SAMSN1: variants seen among roughly 807,000 people sequenced by gnomAD.
SAMSN1 encodes SAM domain, SH3 domain and nuclear localization signals 1, also known as SAM domain-containing protein SAMSN-1.
A neutral mutation model predicts 42.0 loss-of-function variants in SAMSN1; 31 were observed. The observed-to-expected ratio is 0.74, with a 90% confidence interval of 0.55 to 1.00. The LOEUF is 1.00. SAMSN1 is among the 50% of genes least tolerant of loss of function. The pLI is 0.00. For missense variants in SAMSN1, 464 were observed against 439.4 expected, an observed-to-expected ratio of 1.06 and a Z score of -0.50; for synonymous variants, 178 against 151.9, an observed-to-expected ratio of 1.17 and a Z score of -1.26.
chr21:14,573,612 T>C (rs1981372686), intron 2 of SAMSN1, among the ~76,000 whole-genome samples: 1 of 152,208 alleles, frequency 6.6e-6, no homozygotes, highest in Non-Finnish European at 1.5e-5. Context: ...CCAACAGGCA[T>C]CATCTGAAGA....
At chr21:14,489,902 CATTT>C (rs1488984467) in intron 7 of SAMSN1, among the ~76,000 whole-genome samples, 1 of 152,030 alleles carries the variant, frequency 6.6e-6, no homozygotes, top group Admixed American at 6.6e-5. Flanking sequence ...GGAATTTTGA[CATTT>C]AATTAATTAA....
chr21:14,642,980 C>T (rs1983630080), intron 2 of SAMSN1: 2 of 715,260 alleles, frequency 2.8e-6, no homozygotes, highest in East Asian at 2.7e-5. Flanking sequence ...AAAAAATCCA[C>T]TCCAGTCAAT....
At chr21:14,539,607 A>G in intron 1 of SAMSN1, among the ~76,000 whole-genome samples, 1 of 151,920 alleles carries the variant, frequency 6.6e-6, no homozygotes, top group Non-Finnish European at 1.5e-5. Context: ...GACCTCTTCA[A>G]GGAGAACTAC....
At chr21:14,553,462 CTGTTCTAATG>C (rs1293193747) in intron 2 of SAMSN1, among the ~76,000 whole-genome samples, 1 of 152,058 alleles carries the variant, frequency 6.6e-6, no homozygotes, top group Non-Finnish European at 1.5e-5. Flanking sequence ...GATGTTTTTT[CTGTTCTAATG>C]TGTTCTAATG....
At chr21:14,582,562 T>G in intron 1 of SAMSN1, 2 of 608,310 alleles carry the variant, frequency 3.3e-6, no homozygotes. Flanking sequence ...TCCATTTATA[T>G]AAGAGAAATA....
At chr21:14,614,636 A>G (rs1392528042) in intron 3 of SAMSN1, among the ~76,000 whole-genome samples, 1 of 152,218 alleles carries the variant, frequency 6.6e-6, no homozygotes, top group Non-Finnish European at 1.5e-5. Flanking sequence ...ATTGTAAGCA[A>G]AAACATGCAT....
intron 2 of SAMSN1, among the ~76,000 whole-genome samples, chr21:14,574,342 T>C (rs895125067): frequency 6.6e-6 from 1 of 152,214 alleles, no homozygotes; most frequent in African/African-American, 2.4e-5. Flanking sequence ...AAATTACAAA[T>C]GTTTTATGAT....
chr21:14,608,388 T>G (rs907064663), intron 5 of SAMSN1, among the ~76,000 whole-genome samples: 2 of 152,126 alleles, frequency 1.3e-5, no homozygotes, highest in African/African-American at 2.4e-5. Context: ...AGGGCAAAAT[T>G]CAGCTGTCCA....
intron 2 of SAMSN1, among the ~76,000 whole-genome samples, chr21:14,630,243 C>T (rs1983295216): frequency 6.6e-6 from 1 of 152,174 alleles, no homozygotes; most frequent in South Asian, 2.1e-4. Flanking sequence ...AAAACGAAGG[C>T]TGATGAACAG....
At chr21:14,514,446 T>C (rs1987818047) in intron 3 of SAMSN1, among the ~76,000 whole-genome samples, 2 of 152,290 alleles carry the variant, frequency 1.3e-5, no homozygotes, top group Admixed American at 1.3e-4. Context: ...GAATAAATTT[T>C]ATGGGGGAAA....
chr21:14,582,634 T>C lies in SAMSN1; in HGVS notation c.-92-146A>G, dbSNP rs146014614. ...TTTTATAAAATTATTTACAGCAGCA[T>C]TTATTTAAAAAGCAAGTTATTTTGC... On this transcript the variant is annotated intron_variant, in intron 1 of 8. Transcript: ENST00000285670. The C allele has an allele frequency of 7.7e-4, 327 of 426,574 alleles. 1 individual carries two copies. The highest frequency in any genetic ancestry group is 6.1e-3 in the African/African-American group (300 of 49,352). 26.4% of individuals were successfully genotyped at this position (426,574 alleles called of 1,614,324 possible).
At chr21:14,597,675 G>A (rs1982310860) in intron 6 of SAMSN1, among the ~76,000 whole-genome samples, 1 of 152,142 alleles carries the variant, frequency 6.6e-6, no homozygotes, top group African/African-American at 2.4e-5. Context: ...ACAAGTATGG[G>A]GCTTATGTTT....
intron 1 of SAMSN1, among the ~76,000 whole-genome samples, chr21:14,652,549 T>C (rs1254278776): frequency 6.6e-6 from 1 of 152,038 alleles, no homozygotes; most frequent in African/African-American, 2.4e-5. Context: ...TCAAAATGGA[T>C]TCAAGACTTA....
intron 2 of SAMSN1, chr21:14,582,098 C>A: frequency 6.7e-7 from 1 of 1,488,510 alleles, no homozygotes; most frequent in South Asian, 1.3e-5. Context: ...TACAAAACCC[C>A]AGATAAGATG....
chr21:14,566,833 T>A (rs946206902), intron 2 of SAMSN1, among the ~76,000 whole-genome samples: 13 of 152,110 alleles, frequency 8.5e-5, no homozygotes, highest in African/African-American at 3.1e-4. Flanking sequence ...CCACTGCACC[T>A]GGCCTTTCTC....
intron 7 of SAMSN1, among the ~76,000 whole-genome samples, chr21:14,489,522 G>T (rs1324251710): frequency 2.0e-5 from 3 of 151,950 alleles, no homozygotes; most frequent in African/African-American, 7.3e-5. Flanking sequence ...CCCCCAAATG[G>T]TTTGTAAATA....
chr21:14,618,939 C>A (rs1199756160), intron 2 of SAMSN1, among the ~76,000 whole-genome samples: 1 of 151,968 alleles, frequency 6.6e-6, no homozygotes, highest in Non-Finnish European at 1.5e-5. Flanking sequence ...TTCTCCCTAG[C>A]AATTGTTAGA....
At chr21:14,577,587 C>T (rs1981548422) in intron 2 of SAMSN1, among the ~76,000 whole-genome samples, 2 of 152,026 alleles carry the variant, frequency 1.3e-5, no homozygotes, top group South Asian at 2.1e-4. Context: ...GCCTATGGCT[C>T]ATTTTCCTCC....
chr21:14,528,749 T>A (rs1023550439), intron 1 of SAMSN1, among the ~76,000 whole-genome samples: 2 of 152,212 alleles, frequency 1.3e-5, no homozygotes, highest in African/African-American at 4.8e-5. Context: ...TCAGATTATT[T>A]GTCCCCAAAT....
Sources: allele counts gnomAD v4.1 joint callset (sites outside exome capture counted in the v4.1 genomes callset), GRCh38; gene constraint gnomAD v4.1.1; transcripts MANE v1.5; gene names NCBI Gene and HGNC (gene_info 2026-07-23, HGNC 2026-07-21).